Variants in GABRG3 observed in about 807,000 individuals in gnomAD.
The protein encoded by GABRG3 is gamma-aminobutyric acid receptor subunit gamma-3.
Under a neutral mutation model 48.8 loss-of-function variants are expected in GABRG3, and 25 were observed. The observed-to-expected ratio is 0.51, with a 90% CI of 0.37 to 0.72. GABRG3 has a LOEUF of 0.72. Among genes scored for constraint, GABRG3 ranks in the 30% least tolerant of loss-of-function variants. The pLI, the probability that GABRG3 is intolerant of heterozygous loss-of-function variation, is 0.00. For missense variants in GABRG3, 394 were observed against 577.9 expected, an observed-to-expected ratio of 0.68 and a Z score of 3.26; for synonymous variants, 227 against 217.6, an observed-to-expected ratio of 1.04 and a Z score of -0.38.
intron 9 of GABRG3, chr15:27,530,886 T>C (rs1487602816): frequency 8.9e-6 from 3 of 336,234 alleles, no homozygotes; most frequent in South Asian, 4.5e-5. Flanking sequence ...GAAACCTTTA[T>C]TGCAATTGTT....
At chr15:27,166,700 T>G (rs1887385610) in intron 3 of GABRG3, among the ~76,000 whole-genome samples, 1 of 152,060 alleles carries the variant, frequency 6.6e-6, no homozygotes, top group Admixed American at 6.6e-5. Flanking sequence ...GCTCCTGCTG[T>G]TTCCTAGGAA....
In GABRG3 at chr15:26,982,457, T is replaced by C. The variant is rs191424402; in HGVS notation, c.202+5307T>C. 3.4e-3 allele frequency among the ~76,000 whole-genome samples: 518 copies of C among 152,326 alleles called. 5 individuals carry two copies. The highest frequency in any genetic ancestry group is 0.01 in the Middle Eastern group (3 of 294). On this transcript the variant is annotated intron_variant, in intron 2 of 9. Coordinates refer to ENST00000615808, the MANE Select transcript of GABRG3 (RefSeq NM_033223.5). ...CTTCCAACCCAGATCTCTCTGGCTC[T>C]ATAGCAAGATGATTTGACCATTGCA...
At chr15:27,145,828 C>A (rs1437807785) in intron 3 of GABRG3, among the ~76,000 whole-genome samples, 1 of 151,888 alleles carries the variant, frequency 6.6e-6, no homozygotes, top group Non-Finnish European at 1.5e-5. Context: ...ATCAATCTGA[C>A]AAAAGCCAAG....
intron 5 of GABRG3, among the ~76,000 whole-genome samples, chr15:27,380,584 A>C (rs199789752): frequency 6.6e-6 from 1 of 152,174 alleles, no homozygotes; most frequent in East Asian, 1.9e-4. Context: ...CTGCAGCTAT[A>C]GGTGTCAGAG....
chr15:27,518,195 C>CAAAAA (rs58222645), intron 6 of GABRG3, among the ~76,000 whole-genome samples: 26 of 88,010 alleles, frequency 3.0e-4, no homozygotes, highest in African/African-American at 8.1e-4. Flanking sequence ...ACTAAAAATA[C>CAAAAA]AAAAAAAAAA....
In GABRG3 at chr15:27,088,221, G is replaced by A. The variant is rs528675475; in HGVS notation, c.270+61400G>A. ...GCGGGCTCACGTTTGTTAGATGGGC[G>A]CCGCGGTGCGTTCTGGGAGTGCTCG... is the stretch of plus-strand genomic sequence containing the variant. On this transcript the variant is annotated intron_variant, in intron 3 of 9. Transcript: ENST00000615808. Among the ~76,000 whole-genome samples the A allele has an allele frequency of 2.7e-3, 383 of 142,802 alleles. 3 individuals carry two copies. In the Middle Eastern group the frequency reaches 0.029, roughly 11 times the overall value. 93.7% of individuals were successfully genotyped at this position (142,802 alleles called of 152,430 possible). A position where few individuals can be genotyped will look rare whatever the true frequency, so the allele number is the denominator to read the frequency against.
intron 3 of GABRG3, among the ~76,000 whole-genome samples, chr15:27,261,177 A>G (rs544573139): frequency 2.6e-5 from 4 of 152,302 alleles, no homozygotes; most frequent in East Asian, 3.9e-4. Context: ...AGCTTATTCT[A>G]TTGCACTAGG....
At chr15:27,124,780 CCAT>C (rs754060291) in intron 3 of GABRG3, among the ~76,000 whole-genome samples, 120 of 152,274 alleles carry the variant, frequency 7.9e-4, no homozygotes, top group Admixed American at 4.5e-3. Context: ...AGGCAAGGCC[CCAT>C]AAAGGTTATC....
At chr15:27,511,423 G>A (rs1890892261) in intron 6 of GABRG3, among the ~76,000 whole-genome samples, 1 of 152,134 alleles carries the variant, frequency 6.6e-6, no homozygotes, top group African/African-American at 2.4e-5. Flanking sequence ...CCATGAATTA[G>A]GCAATTAATA....
At chr15:27,449,510 G>A (rs1041235899) in intron 5 of GABRG3, among the ~76,000 whole-genome samples, 4 of 152,202 alleles carry the variant, frequency 2.6e-5, no homozygotes, top group African/African-American at 9.6e-5. Flanking sequence ...TGTAAAAAAT[G>A]TTTACATTTT....
intron 3 of GABRG3, among the ~76,000 whole-genome samples, chr15:27,293,816 C>T (rs1258142401): frequency 6.6e-6 from 1 of 152,160 alleles, no homozygotes; most frequent in East Asian, 1.9e-4. Context: ...CTACTACAGG[C>T]CAGATACTAC....
chr15:27,208,426 G>T (rs1414410911), intron 3 of GABRG3: 8 of 208,626 alleles, frequency 3.8e-5, no homozygotes, highest in Non-Finnish European at 1.1e-5. Context: ...CATTGTTTAT[G>T]TGCATGAAAG....
chr15:27,297,811 T>C (rs962284566), intron 3 of GABRG3, among the ~76,000 whole-genome samples: 4 of 152,140 alleles, frequency 2.6e-5, no homozygotes, highest in African/African-American at 9.7e-5. Context: ...ATATGTAAGT[T>C]TTATACTATA....
At chr15:27,517,575 T>C (rs1891052990) in intron 6 of GABRG3, among the ~76,000 whole-genome samples, 2 of 152,214 alleles carry the variant, frequency 1.3e-5, no homozygotes, top group African/African-American at 2.4e-5. Flanking sequence ...TTTCTGTTTA[T>C]CTTGTCAGTA....
At chr15:27,388,675 T>A in intron 5 of GABRG3, among the ~76,000 whole-genome samples, 1 of 152,072 alleles carries the variant, frequency 6.6e-6, no homozygotes, top group East Asian at 1.9e-4. Context: ...TTAAAACAGG[T>A]CTGTTAATGA....
intron 5 of GABRG3, among the ~76,000 whole-genome samples, chr15:27,442,947 G>A (rs548894556): frequency 2.6e-5 from 4 of 152,184 alleles, no homozygotes; most frequent in Admixed American, 1.3e-4. Flanking sequence ...CCATCAGAGC[G>A]GGGACAGGGC....
In GABRG3 at chr15:27,237,816, A is replaced by G. The variant is rs190819281; in HGVS notation, c.271-88993A>G. Reference sequence around the variant, plus strand: ...CTTGCTCATTGGGACTTGGGATGCCACGGCCCATTCAACTGACTTTACAGC... The same window carrying G: ...CTTGCTCATTGGGACTTGGGATGCCGCGGCCCATTCAACTGACTTTACAGC... On this transcript the variant is annotated intron_variant, in intron 3 of 9. Coordinates refer to ENST00000615808, the MANE Select transcript of GABRG3 (RefSeq NM_033223.5). 7.4e-4 allele frequency among the ~76,000 whole-genome samples: 113 copies of G among 152,334 alleles called. 1 individual carries two copies. The highest frequency in any genetic ancestry group is 2.1e-3 in the African/African-American group (87 of 41,594).
In GABRG3 at chr15:27,536,105, T is replaced by C. The variant is rs1891541193; in HGVS notation, c.*3224T>C. ...CTGTATTTTGACATGGAATCCAAAT[T>C]TCTGACCACTGTGGATCACACTTAA... On this transcript the variant is annotated 3_prime_UTR_variant, in exon 10 of 10. Transcript: ENST00000615808. 6.6e-6 allele frequency: 1 copy of C among 152,212 alleles called. No homozygotes were observed. 9.4% of individuals were successfully genotyped at this position (152,212 alleles called of 1,614,324 possible).
chr15:27,093,349 G>A (rs971787188), intron 3 of GABRG3, among the ~76,000 whole-genome samples: 1 of 152,154 alleles, frequency 6.6e-6, no homozygotes, highest in Admixed American at 6.5e-5. Flanking sequence ...GCAATGGGAT[G>A]ATGATGATAA....
Sources: gnomAD v4.1 joint callset for allele counts (sites outside exome capture counted in the v4.1 genomes callset) on GRCh38, gnomAD v4.1.1 for gene constraint, MANE v1.5 for transcripts, NCBI Gene and HGNC (gene_info 2026-07-23, HGNC 2026-07-21) for gene names.